Variants in CAMK1D observed in about 807,000 individuals in gnomAD.
The protein encoded by CAMK1D is calcium/calmodulin dependent protein kinase ID.
In CAMK1D, 9 loss-of-function variants were observed where a neutral mutation model predicts 47.7. The ratio of observed to expected loss-of-function variants is 0.19; its 90% CI spans 0.11 to 0.33. CAMK1D has a LOEUF of 0.33. Ranked by LOEUF, CAMK1D falls within the 10% of genes least tolerant of loss-of-function variation. CAMK1D has a pLI of 1.00. For synonymous variants in CAMK1D, 184 were observed against 184.9 expected, an observed-to-expected ratio of 0.99 and a Z score of 0.04; for missense variants, 291 against 488.7, an observed-to-expected ratio of 0.60 and a Z score of 3.81.
intron 2 of CAMK1D, among the ~76,000 whole-genome samples, chr10:12,631,844 C>T (rs550379639): frequency 1.3e-5 from 2 of 152,246 alleles, no homozygotes; most frequent in East Asian, 1.9e-4. Flanking sequence ...CAGGATAGAG[C>T]GTGAGGAAAG....
chr10:12,515,574 C>T (rs1333776830), intron 1 of CAMK1D, among the ~76,000 whole-genome samples: 1 of 92,782 alleles, frequency 1.1e-5, no homozygotes, highest in East Asian at 3.3e-4. Context: ...CCCCCTCCCC[C>T]GACCCCACCA....
intron 1 of CAMK1D, among the ~76,000 whole-genome samples, chr10:12,359,724 T>C (rs1266685970): frequency 6.6e-6 from 1 of 152,242 alleles, no homozygotes; most frequent in African/African-American, 2.4e-5. Flanking sequence ...TTGAAACTCA[T>C]GTTTTGATTT....
At chr10:12,622,451 A>C (rs1839028064) in intron 2 of CAMK1D, among the ~76,000 whole-genome samples, 1 of 152,062 alleles carries the variant, frequency 6.6e-6, no homozygotes. Flanking sequence ...TCTCAGTGCC[A>C]GGTTCTTCTT....
rs532630198 is a variant in CAMK1D, at chr10:12,665,428, G to A, written c.225-1308G>A. Among the ~76,000 whole-genome samples, 237 of 152,274 alleles carry A rather than the reference G, an allele frequency of 1.6e-3. 4 individuals carry two copies. The South Asian group carries it at 0.018, about 12-fold the overall frequency. On this transcript the variant is annotated intron_variant, in intron 2 of 10. Transcript: ENST00000619168. Reference sequence around the variant, plus strand: ...TAAATAAGGTTTCTTGCTGTTTAGCGGCAACAGCCTTTCAATATCATTCAT... The same window carrying A: ...TAAATAAGGTTTCTTGCTGTTTAGCAGCAACAGCCTTTCAATATCATTCAT...
intron 1 of CAMK1D, among the ~76,000 whole-genome samples, chr10:12,426,776 G>A (rs899573812): frequency 2.6e-5 from 4 of 151,894 alleles, no homozygotes; most frequent in East Asian, 1.9e-4. Context: ...GTGCAATGGC[G>A]CTATCTTGGC....
At chr10:12,815,031 G>A (rs1185758966) in intron 7 of CAMK1D, among the ~76,000 whole-genome samples, 1 of 152,212 alleles carries the variant, frequency 6.6e-6, no homozygotes, top group Non-Finnish European at 1.5e-5. Context: ...AACTCACTCA[G>A]TCCTCAGGAC....
chr10:12,501,423 C>T (rs1225655948), intron 1 of CAMK1D, among the ~76,000 whole-genome samples: 4 of 152,178 alleles, frequency 2.6e-5, no homozygotes, highest in South Asian at 2.1e-4. Flanking sequence ...GGCGTGAGTG[C>T]GTGTGCTCAG....
chr10:12,797,297 C>G (rs1424254136), intron 6 of CAMK1D, among the ~76,000 whole-genome samples: 6 of 151,680 alleles, frequency 4.0e-5, no homozygotes, highest in African/African-American at 1.5e-4. Flanking sequence ...CTCCTGGGCT[C>G]AAGTCATCTT....
chr10:12,504,907 G>A (rs1332927838), intron 1 of CAMK1D, among the ~76,000 whole-genome samples: 1 of 152,158 alleles, frequency 6.6e-6, no homozygotes, highest in Non-Finnish European at 1.5e-5. Context: ...CTCCTGAGGT[G>A]TGGGCCCGGA....
intron 3 of CAMK1D, among the ~76,000 whole-genome samples, chr10:12,730,363 C>G (rs536623683): frequency 2.6e-5 from 4 of 152,164 alleles, no homozygotes; most frequent in Admixed American, 1.3e-4. Flanking sequence ...TGGGGAAGCA[C>G]GGGGTCAGCA....
chr10:12,689,683 G>A (rs1832796743), intron 3 of CAMK1D, among the ~76,000 whole-genome samples: 1 of 152,042 alleles, frequency 6.6e-6, no homozygotes, highest in African/African-American at 2.4e-5. Flanking sequence ...GGCTAAGGCA[G>A]GAGAATCGCT....
chr10:12,399,577 G>A (rs1839098334), intron 1 of CAMK1D, among the ~76,000 whole-genome samples: 1 of 152,038 alleles, frequency 6.6e-6, no homozygotes, highest in Non-Finnish European at 1.5e-5. Flanking sequence ...CCATGGCTTA[G>A]ATCTGTTGGG....
At chr10:12,632,453 G>C (rs1588712401) in intron 2 of CAMK1D, among the ~76,000 whole-genome samples, 2 of 152,246 alleles carry the variant, frequency 1.3e-5, no homozygotes, top group African/African-American at 4.8e-5. Flanking sequence ...GGATCAGGGT[G>C]GGCCCTTGCA....
chr10:12,610,780 A>C (rs1838595303), intron 2 of CAMK1D, among the ~76,000 whole-genome samples: 1 of 152,248 alleles, frequency 6.6e-6, no homozygotes, highest in African/African-American at 2.4e-5. Context: ...CCTTACTTGA[A>C]TGAAAATGCA....
intron 1 of CAMK1D, among the ~76,000 whole-genome samples, chr10:12,434,198 T>C (rs1373395453): frequency 6.6e-6 from 1 of 152,196 alleles, no homozygotes; most frequent in Non-Finnish European, 1.5e-5. Flanking sequence ...GATTTTTCTC[T>C]TCCAAATTAA....
chr10:12,623,441 T>TCCC, intron 2 of CAMK1D, among the ~76,000 whole-genome samples: 1 of 14,022 alleles, frequency 7.1e-5, no homozygotes, highest in Non-Finnish European at 1.4e-4. Context: ...CCCTCCCTTC[T>TCCC]TTCCTTCCTT....
intron 1 of CAMK1D, among the ~76,000 whole-genome samples, chr10:12,480,685 A>G (rs1259394789): frequency 1.3e-5 from 2 of 152,170 alleles, no homozygotes; most frequent in African/African-American, 2.4e-5. Flanking sequence ...GACTTGCCCA[A>G]GGCCGTGTAG....
At chr10:12,480,889 G>GA (rs1834044387) in intron 1 of CAMK1D, among the ~76,000 whole-genome samples, 1 of 152,192 alleles carries the variant, frequency 6.6e-6, no homozygotes, top group South Asian at 2.1e-4. Flanking sequence ...GTAACAGTGA[G>GA]AAAAAATAAG....
chr10:12,711,419 A>G (rs1474216928), intron 3 of CAMK1D, among the ~76,000 whole-genome samples: 4 of 152,222 alleles, frequency 2.6e-5, no homozygotes, highest in African/African-American at 9.6e-5. Flanking sequence ...GTAGATAAAT[A>G]TGCATGAGAA....
Sources: gnomAD v4.1 joint callset for allele counts (sites outside exome capture counted in the v4.1 genomes callset) on GRCh38, gnomAD v4.1.1 for gene constraint, MANE v1.5 for transcripts, NCBI Gene and HGNC (gene_info 2026-07-23, HGNC 2026-07-21) for gene names.